Variants in SGCD observed in about 807,000 individuals in gnomAD.
SGCD encodes sarcoglycan delta.
Under a neutral mutation model 36.6 loss-of-function variants are expected in SGCD, and 18 were observed. The ratio of observed to expected loss-of-function variants is 0.49; its 90% CI spans 0.34 to 0.73. The LOEUF is 0.73. SGCD is among the 30% of genes least tolerant of loss of function. SGCD has a pLI of 0.01. For missense variants in SGCD, 387 were observed against 346.7 expected, an observed-to-expected ratio of 1.12 and a Z score of -0.92; for synonymous variants, 133 against 130.6, an observed-to-expected ratio of 1.02 and a Z score of -0.12.
At chr5:156,135,312 T>C (rs1042763638) in intron 3 of SGCD, among the ~76,000 whole-genome samples, 1 of 152,202 alleles carries the variant, frequency 6.6e-6, no homozygotes, top group African/African-American at 2.4e-5. Flanking sequence ...CTACCCACTA[T>C]ATCCATTCTT....
At chr5:156,233,182 T>C (rs966835280) in intron 3 of SGCD, among the ~76,000 whole-genome samples, 14 of 152,132 alleles carry the variant, frequency 9.2e-5, no homozygotes, top group African/African-American at 3.1e-4. Flanking sequence ...CTAAGAAAAA[T>C]GAATGTAGGC....
chr5:156,435,877 A>G (rs575006273), intron 3 of SGCD, among the ~76,000 whole-genome samples: 4 of 152,170 alleles, frequency 2.6e-5, no homozygotes, highest in Non-Finnish European at 5.9e-5. Flanking sequence ...TTAACTCCCA[A>G]TGTTTACGCA....
intron 7 of SGCD, among the ~76,000 whole-genome samples, chr5:156,685,519 G>C (rs1329359860): frequency 1.3e-5 from 2 of 152,190 alleles, no homozygotes; most frequent in Non-Finnish European, 2.9e-5. Flanking sequence ...AGGGCCATCA[G>C]CAATCCTGAT....
At chr5:156,253,445 A>G (rs1465234803) in intron 3 of SGCD, among the ~76,000 whole-genome samples, 6 of 152,178 alleles carry the variant, frequency 3.9e-5, no homozygotes, top group Non-Finnish European at 5.9e-5. Context: ...AAACATGGGT[A>G]TACTTGAGTT....
intron 7 of SGCD, among the ~76,000 whole-genome samples, chr5:156,648,081 A>G (rs1030450436): frequency 6.6e-5 from 10 of 152,134 alleles, no homozygotes; most frequent in African/African-American, 2.4e-4. Context: ...TAAGGAAAAC[A>G]CAAAAGAACA....
At chr5:156,051,253 A>G (rs1363917361) in intron 1 of SGCD, among the ~76,000 whole-genome samples, 3 of 146,264 alleles carry the variant, frequency 2.1e-5, no homozygotes, top group Non-Finnish European at 4.6e-5. Flanking sequence ...ATTTGAGTTT[A>G]TCACTCTAGA....
At chr5:156,366,221 C>G (rs544972054) in intron 3 of SGCD, among the ~76,000 whole-genome samples, 6 of 152,114 alleles carry the variant, frequency 3.9e-5, no homozygotes, top group Non-Finnish European at 7.4e-5. Context: ...AAAATACTAC[C>G]AAGTGAGGAA....
At chr5:156,456,064 C>T (rs1360061537) in intron 3 of SGCD, among the ~76,000 whole-genome samples, 2 of 152,134 alleles carry the variant, frequency 1.3e-5, no homozygotes, top group Admixed American at 6.5e-5. Flanking sequence ...TCTGTTGTTT[C>T]GAGCTACCCA....
rs76840591 is a variant in SGCD at position 156,527,153 on chromosome 5, T to C, written c.294+18451T>C. ...CTTCTGGATCTCTCAGTAATTTTTA[T>C]TCAGCCAGACTCATACTATAAACAC... On this transcript the variant is annotated intron_variant, in intron 4 of 8. Transcript: ENST00000337851. 2.0e-3 allele frequency among the ~76,000 whole-genome samples: 297 copies of C among 152,240 alleles called. 1 individual carries two copies. The highest frequency in any genetic ancestry group is 0.01 in the Middle Eastern group (3 of 294).
intron 3 of SGCD, among the ~76,000 whole-genome samples, chr5:156,423,322 A>G (rs1227718720): frequency 1.8e-5 from 1 of 56,300 alleles, no homozygotes; most frequent in Non-Finnish European, 3.0e-5. Flanking sequence ...ATAATATAAT[A>G]TATTTTATTA....
At chr5:156,061,856 G>C (rs1760216416) in intron 1 of SGCD, among the ~76,000 whole-genome samples, 1 of 139,464 alleles carries the variant, frequency 7.2e-6, no homozygotes, top group Non-Finnish European at 1.6e-5. Flanking sequence ...ATATGTCTTT[G>C]AATAATTCAG....
intron 3 of SGCD, among the ~76,000 whole-genome samples, chr5:156,126,022 C>T (rs973437167): frequency 2.6e-5 from 4 of 151,734 alleles, no homozygotes; most frequent in Non-Finnish European, 5.9e-5. Flanking sequence ...GGATTGCAGG[C>T]GCCTGCCACC....
the SGCD span, among the ~76,000 whole-genome samples, chr5:155,809,433 C>T: frequency 5.9e-5 from 9 of 152,138 alleles, no homozygotes; most frequent in Non-Finnish European, 1.3e-4. Flanking sequence ...AGGTATGTCT[C>T]GCTAAACTTT....
the SGCD span, among the ~76,000 whole-genome samples, chr5:155,785,687 C>T: frequency 1.3e-5 from 2 of 152,128 alleles, no homozygotes; most frequent in Non-Finnish European, 2.9e-5. Context: ...TATTTTATTA[C>T]ATATGCACAC....
At chr5:156,083,781 TTTG>T (rs1761027184) in intron 1 of SGCD, among the ~76,000 whole-genome samples, 1 of 152,054 alleles carries the variant, frequency 6.6e-6, no homozygotes, top group African/African-American at 2.4e-5. Context: ...AGGTTTTTTT[TTTG>T]TTTTGTTTTT....
chr5:156,295,703 A>G (rs1034740570), intron 3 of SGCD, among the ~76,000 whole-genome samples: 1 of 152,174 alleles, frequency 6.6e-6, no homozygotes, highest in Non-Finnish European at 1.5e-5. Flanking sequence ...TAACGCATAA[A>G]TGTTTGACCA....
At chr5:156,277,426 C>G (rs1391682242) in intron 3 of SGCD, among the ~76,000 whole-genome samples, 1 of 152,172 alleles carries the variant, frequency 6.6e-6, no homozygotes, top group Non-Finnish European at 1.5e-5. Flanking sequence ...AAATAGCCCA[C>G]TTGTAATGAG....
At chr5:155,810,344 A>G in the SGCD span, among the ~76,000 whole-genome samples, 7 of 152,112 alleles carry the variant, frequency 4.6e-5, no homozygotes, top group Admixed American at 3.9e-4. Context: ...CCTTTTAATA[A>G]TTTGGGATTC....
chr5:156,507,969 G>A (rs763634045), intron 3 of SGCD, among the ~76,000 whole-genome samples: 2 of 152,150 alleles, frequency 1.3e-5, no homozygotes, highest in Non-Finnish European at 2.9e-5. Flanking sequence ...TGGGATTATT[G>A]TTATATTTAA....
Sources: allele counts gnomAD v4.1 joint callset (sites outside exome capture counted in the v4.1 genomes callset), GRCh38; gene constraint gnomAD v4.1.1; transcripts MANE v1.5; gene names NCBI Gene and HGNC (gene_info 2026-07-23, HGNC 2026-07-21).